MMP26: variants seen among roughly 807,000 people sequenced by gnomAD.
The protein encoded by MMP26 is matrix metalloproteinase-26.
In MMP26, 33 loss-of-function variants were observed where a neutral mutation model predicts 31.0. The observed-to-expected ratio is 1.06, with a 90% CI of 0.81 to 1.42. The LOEUF (loss-of-function observed/expected upper bound fraction) is 1.42, where lower values mean the gene tolerates loss of function less well. Ranked by LOEUF, MMP26 falls within the 40% of genes most tolerant of loss-of-function variation. The probability of loss-of-function intolerance (pLI) is 0.00; values close to 1 mark genes in which losing one functional copy is unlikely to be tolerated. For synonymous variants in MMP26, 122 were observed against 114.9 expected, an observed-to-expected ratio of 1.06 and a Z score of -0.40; for missense variants, 347 against 316.1, an observed-to-expected ratio of 1.10 and a Z score of -0.74.
chr11:4,849,179 G>T (rs747547530), intron 2 of MMP26: 21 of 1,612,730 alleles, frequency 1.3e-5, no homozygotes, highest in Non-Finnish European at 1.8e-5. Context: ...TGCTGCTATT[G>T]GGGGCTATCT....
intron 1 of MMP26, among the ~76,000 whole-genome samples, chr11:4,731,736 A>T (rs1198533377): frequency 6.6e-6 from 1 of 152,236 alleles, no homozygotes; most frequent in Non-Finnish European, 1.5e-5. Flanking sequence ...GGGTTCATAC[A>T]TGTGGCTATT....
chr11:4,769,483 T>C (rs759271667), intron 2 of MMP26: 15 of 1,613,602 alleles, frequency 9.3e-6, no homozygotes, highest in Admixed American at 1.7e-5. Context: ...GAAGACCCAT[T>C]TGAATGATTC....
intron 2 of MMP26, chr11:4,848,832 A>G (rs1849925427): frequency 1.9e-6 from 3 of 1,614,192 alleles, no homozygotes; most frequent in East Asian, 2.2e-5. Flanking sequence ...ATCAATGGAC[A>G]TGGCGAGCAA....
Position 4,989,888 on chromosome 11 carries a change from A to G in MMP26, c.320+20A>G. The G allele has an allele frequency of 6.3e-7, 1 of 1,589,022 alleles. No homozygotes were observed. The highest frequency in any genetic ancestry group is 1.1e-5 in the South Asian group (1 of 90,470). On this transcript the variant is annotated intron_variant, in intron 4 of 7. Coordinates refer to ENST00000380390, the MANE Select transcript of MMP26 (RefSeq NM_021801.5). ...TTACAGGTGCTTGTTACTAAGGCCT[A>G]GAGGATAATGTGTGGGGTGATGACC...
intron 2 of MMP26, among the ~76,000 whole-genome samples, chr11:4,902,422 C>T (rs1200683860): frequency 6.6e-6 from 1 of 152,120 alleles, no homozygotes; most frequent in Non-Finnish European, 1.5e-5. Flanking sequence ...CTTCCAGATG[C>T]ATCCATGTTG....
chr11:4,884,014 T>G (rs1000110681), intron 2 of MMP26, among the ~76,000 whole-genome samples: 2 of 152,160 alleles, frequency 1.3e-5, no homozygotes, highest in Non-Finnish European at 2.9e-5. Context: ...TCTGGTTTGT[T>G]GACCTCAGTT....
chr11:4,849,348 A>T (rs1849940442), intron 2 of MMP26: 3 of 768,358 alleles, frequency 3.9e-6, no homozygotes, highest in Admixed American at 5.5e-5. Flanking sequence ...ATACACGTAC[A>T]CATATACACA....
At chr11:4,881,662 A>T (rs1259746394) in intron 2 of MMP26, among the ~76,000 whole-genome samples, 2 of 152,152 alleles carry the variant, frequency 1.3e-5, no homozygotes, top group Non-Finnish European at 2.9e-5. Context: ...GAAGTTTAGT[A>T]AAAAATAATA....
rs113392418 is a variant in MMP26, at chr11:4,785,317, A to G, written c.-145+17976A>G. Among the ~76,000 whole-genome samples the G allele has an allele frequency of 5.3e-3, 808 of 152,296 alleles. 10 individuals are homozygous for G. The highest frequency in any genetic ancestry group is 0.018 in the African/African-American group (762 of 41,570). On this transcript the variant is annotated intron_variant, in intron 2 of 7. Coordinates refer to ENST00000380390, the MANE Select transcript of MMP26 (RefSeq NM_021801.5). Reference sequence around the variant, plus strand: ...TAAGTACTCCATGTCTCATCTTATTATATCAGCTTGAAGTTCAAGATCTTG... The same window carrying G: ...TAAGTACTCCATGTCTCATCTTATTGTATCAGCTTGAAGTTCAAGATCTTG...
chr11:4,908,484 C>G, intron 2 of MMP26: 2 of 613,836 alleles, frequency 3.3e-6, no homozygotes, highest in Non-Finnish European at 5.7e-6. Context: ...AAAAAAAAGT[C>G]AAGAGATATA....
intron 2 of MMP26, among the ~76,000 whole-genome samples, chr11:4,817,769 C>T (rs190795796): frequency 6.6e-6 from 1 of 152,252 alleles, no homozygotes; most frequent in Non-Finnish European, 1.5e-5. Flanking sequence ...AATTTCTAGT[C>T]ATTACACCTT....
chr11:4,715,189 C>T (rs4271382), intron 1 of MMP26, among the ~76,000 whole-genome samples: 152,237 of 152,276 alleles, frequency 1, 76,101 homozygotes, highest in Middle Eastern at 1. Context: ...GGGAATATAA[C>T]GATGAAAAAA....
chr11:4,793,370 A>T (rs1261744662), intron 2 of MMP26, among the ~76,000 whole-genome samples: 1 of 152,140 alleles, frequency 6.6e-6, no homozygotes, highest in Admixed American at 6.6e-5. Flanking sequence ...GCTTTTACAA[A>T]TTGATAAAAA....
At chr11:4,894,015 C>T (rs542028693) in intron 2 of MMP26, among the ~76,000 whole-genome samples, 2 of 151,812 alleles carry the variant, frequency 1.3e-5, no homozygotes, top group East Asian at 1.9e-4. Flanking sequence ...ATACAAAATA[C>T]ATAAAATATA....
intron 2 of MMP26, among the ~76,000 whole-genome samples, chr11:4,815,207 A>G (rs1289251528): frequency 6.6e-6 from 1 of 152,212 alleles, no homozygotes; most frequent in Admixed American, 6.5e-5. Flanking sequence ...GCGTTTTTAC[A>G]TAAACAGTAG....
Position 4,992,355 on chromosome 11 carries a change from T to C in MMP26, c.*113T>C. On this transcript the variant is annotated 3_prime_UTR_variant, in exon 8 of 8. Transcript: ENST00000380390. ...ACTGCTAGGATGAAGCCCTAAAGAATGCAACCTAGTCAGGTTAGCTGAACC... is the reference window on the plus strand; with the variant it reads ...ACTGCTAGGATGAAGCCCTAAAGAACGCAACCTAGTCAGGTTAGCTGAACC... The C allele has an allele frequency of 1.0e-6, 1 of 1,004,002 alleles. No individual in the cohort carries two copies. The highest frequency in any genetic ancestry group is 1.5e-6 in the Non-Finnish European group (1 of 678,302). 62.2% of individuals were successfully genotyped at this position (1,004,002 alleles called of 1,614,324 possible). A position where few individuals can be genotyped will look rare whatever the true frequency, so the allele number is the denominator to read the frequency against.
rs985566911 is a variant in MMP26, at chr11:4,852,970, C to G, written c.-145+85629C>G. On this transcript the variant is annotated intron_variant, in intron 2 of 7. Transcript: ENST00000380390. ...CAGACACAGTAAGAAAAATGCTGCA[C>G]GACCTCACTTTTGTGTGAACTCTAA... Among the ~76,000 whole-genome samples the G allele has an allele frequency of 2.6e-5, 4 of 152,068 alleles. No homozygotes were observed. The South Asian group carries it at 8.3e-4, about 31-fold the overall frequency.
chr11:4,873,016 T>G (rs1479996183), intron 2 of MMP26, among the ~76,000 whole-genome samples: 4 of 152,038 alleles, frequency 2.6e-5, no homozygotes, highest in Admixed American at 2.6e-4. Context: ...TGCTAAAGGG[T>G]CTTGGAAGGA....
intron 2 of MMP26, among the ~76,000 whole-genome samples, chr11:4,930,077 A>T (rs964587983): frequency 6.6e-6 from 1 of 152,152 alleles, no homozygotes; most frequent in Non-Finnish European, 1.5e-5. Flanking sequence ...TGATTTATAT[A>T]TACATTTATA....
Sources: allele counts gnomAD v4.1 joint callset (sites outside exome capture counted in the v4.1 genomes callset), GRCh38; gene constraint gnomAD v4.1.1; transcripts MANE v1.5; gene names NCBI Gene and HGNC (gene_info 2026-07-23, HGNC 2026-07-21).